TRMT11: variants seen among roughly 807,000 people sequenced by gnomAD.
TRMT11 encodes tRNA methyltransferase 11, also known as tRNA (guanine(10)-N(2))-methyltransferase TRMT11.
A neutral mutation model predicts 62.8 loss-of-function variants in TRMT11; 53 were observed. The observed-to-expected ratio is 0.84, with a 90% CI of 0.68 to 1.06. The LOEUF is 1.06. TRMT11 is among the 50% of genes least tolerant of loss of function. TRMT11 has a pLI of 0.00. For synonymous variants in TRMT11, 188 were observed against 190.3 expected (o/e 0.99, Z 0.10); for missense variants, 556 against 553.4 (o/e 1.00, Z -0.05).
At chr6:126,263,352 G>A in the TRMT11 span, among the ~76,000 whole-genome samples, 39 of 152,088 alleles carry the variant, frequency 2.6e-4, no homozygotes, top group Non-Finnish European at 4.6e-4. Flanking sequence ...AAACTTGTAT[G>A]TCTTTAAATA....
At chr6:126,070,503 T>A (rs1776821502) in intron 17 of TRMT11, among the ~76,000 whole-genome samples, 2 of 152,174 alleles carry the variant, frequency 1.3e-5, no homozygotes, top group South Asian at 4.1e-4. Flanking sequence ...AAACCTGAAA[T>A]GAAGAAATAA....
intron 9 of TRMT11, 48 bp from the exon 10 acceptor site, chr6:126,012,723 T>C: frequency 1.4e-6 from 2 of 1,470,376 alleles, no homozygotes; most frequent in Non-Finnish European, 1.9e-6. Flanking sequence ...CCTTGATCCA[T>C]GATTTGGTGA....
chr6:126,013,315 A>G (rs4895803), intron 11 of TRMT11, among the ~76,000 whole-genome samples: 114,683 of 151,886 alleles, frequency 0.76, 44,063 homozygotes, highest in East Asian at 1. Flanking sequence ...GGAGTGCAGT[A>G]GTGCAATCGT....
At chr6:126,093,328 C>T (rs1293385909) in intron 17 of TRMT11, among the ~76,000 whole-genome samples, 1 of 151,594 alleles carries the variant, frequency 6.6e-6, no homozygotes. Flanking sequence ...TTGGCTCTTC[C>T]TGTGGCACTA....
intron 7 of TRMT11, among the ~76,000 whole-genome samples, chr6:126,005,890 A>G (rs534009363): frequency 6.6e-6 from 1 of 151,984 alleles, no homozygotes; most frequent in Non-Finnish European, 1.5e-5. Flanking sequence ...GAATTCACCC[A>G]GAAGACTAAT....
At chr6:126,080,363 A>G (rs2128155934) in intron 17 of TRMT11, among the ~76,000 whole-genome samples, 1 of 152,166 alleles carries the variant, frequency 6.6e-6, no homozygotes, top group South Asian at 2.1e-4. Flanking sequence ...CTGGGAATCA[A>G]CAGGCATAAA....
At chr6:126,204,631 G>A (rs1482388774), downstream of TRMT11, among the ~76,000 whole-genome samples, 1 of 152,222 alleles carries the variant, frequency 6.6e-6, no homozygotes, top group Non-Finnish European at 1.5e-5. Flanking sequence ...GTCAATTACA[G>A]TTTAATATGA....
chr6:126,056,080 A>G (rs906151050), intron 17 of TRMT11, among the ~76,000 whole-genome samples: 7 of 152,254 alleles, frequency 4.6e-5, no homozygotes, highest in African/African-American at 1.4e-4. Context: ...ACCAGGAGTA[A>G]GATGTCCCTT....
At position 126,026,802 on chromosome 6, in the gene TRMT11, G is replaced by GTTT. The variant is rs1222722212; in HGVS notation, c.1260+5538_1260+5540dup. ...GCCATGGTAGAATGTGGTTTTTTGG[G>GTTT]TTTTTTTTTTTTTTTTTTGAGACGG... On this transcript the variant is annotated intron_variant, in intron 12 of 12. Transcript: ENST00000334379. Among the ~76,000 whole-genome samples, 50 of 121,724 alleles carry GTTT rather than the reference G, an allele frequency of 4.1e-4. 3 individuals carry two copies. The highest frequency in any genetic ancestry group is 8.6e-4 in the African/African-American group (26 of 30,380). 79.9% of individuals were successfully genotyped at this position (121,724 alleles called of 152,430 possible).
intron 17 of TRMT11, among the ~76,000 whole-genome samples, chr6:126,079,642 A>G (rs921801471): frequency 5.3e-5 from 8 of 152,166 alleles, no homozygotes; most frequent in Admixed American, 3.9e-4. Context: ...TGAAGGAATC[A>G]TTTGTACTCC....
At chr6:126,050,838 C>T (rs1776195076) in intron 16 of TRMT11, among the ~76,000 whole-genome samples, 1 of 152,208 alleles carries the variant, frequency 6.6e-6, no homozygotes, top group African/African-American at 2.4e-5. Flanking sequence ...TTTTACTCAT[C>T]TATTCATTCA....
intron 17 of TRMT11, among the ~76,000 whole-genome samples, chr6:126,053,635 A>G (rs902070355): frequency 3.3e-5 from 5 of 152,060 alleles, no homozygotes; most frequent in East Asian, 3.9e-4. Flanking sequence ...GCTCTTGTCC[A>G]CATTTTCCCC....
chr6:126,120,095 G>A (rs907563231), intron 21 of TRMT11, among the ~76,000 whole-genome samples: 2 of 151,938 alleles, frequency 1.3e-5, no homozygotes, highest in Non-Finnish European at 2.9e-5. Context: ...CCAACATGGT[G>A]AAATTTCATC....
At chr6:126,034,614 C>G (rs998439506) in intron 12 of TRMT11, among the ~76,000 whole-genome samples, 3 of 152,138 alleles carry the variant, frequency 2.0e-5, no homozygotes, top group African/African-American at 7.2e-5. Context: ...TCACCATAGT[C>G]TTCTCTCTTG....
At chr6:126,183,181 A>G (rs984754440) in intron 1 of TRMT11, among the ~76,000 whole-genome samples, 1 of 152,186 alleles carries the variant, frequency 6.6e-6, no homozygotes, top group African/African-American at 2.4e-5. Flanking sequence ...CACTTTGGCA[A>G]CACCATCAAC....
chr6:126,082,722 A>AT lies in TRMT11; in HGVS notation c.*1437+29539dup, dbSNP rs571239308. Reference sequence around the variant, plus strand: ...TATAAAAGGGACTTTATTTTATTCTATTTTTTTGCCATTTTGGAATTTTAT... The same window carrying AT: ...TATAAAAGGGACTTTATTTTATTCTATTTTTTTTGCCATTTTGGAATTTTAT... On this transcript the variant is annotated intron_variant and NMD_transcript_variant, in intron 17 of 22. Coordinates refer to the TRMT11 transcript ENST00000648977. Among the ~76,000 whole-genome samples, 15 of 152,040 alleles carry AT rather than the reference A, an allele frequency of 9.9e-5. No homozygotes were observed. In the East Asian group the frequency reaches 1.4e-3, roughly 14 times the overall value.
the TRMT11 span, among the ~76,000 whole-genome samples, chr6:126,218,419 A>T: frequency 1.0e-3 from 152 of 152,152 alleles, 2 homozygotes; most frequent in South Asian, 0.013. Flanking sequence ...GGGTCTAAGA[A>T]CTCTTTAGTC....
chr6:126,112,145 G>C (rs1777539280), intron 17 of TRMT11, among the ~76,000 whole-genome samples: 1 of 152,068 alleles, frequency 6.6e-6, no homozygotes, highest in Non-Finnish European at 1.5e-5. Context: ...GCTACTATTA[G>C]CTCAGCTTTA....
chr6:126,189,642 C>G (rs1463166614), intron 1 of TRMT11, among the ~76,000 whole-genome samples: 1 of 152,080 alleles, frequency 6.6e-6, no homozygotes. Context: ...ATAGGTTTCA[C>G]TTTGCCTATA....
Sources: allele counts gnomAD v4.1 joint callset (sites outside exome capture counted in the v4.1 genomes callset), GRCh38; gene constraint gnomAD v4.1.1; transcripts MANE v1.5; gene names NCBI Gene and HGNC (gene_info 2026-07-23, HGNC 2026-07-21).